Variants in POU2F1 observed in about 807,000 individuals in gnomAD.
The protein encoded by POU2F1 is POU domain, class 2, transcription factor 1.
A neutral mutation model predicts 84.9 loss-of-function variants in POU2F1; 16 were observed. The observed-to-expected ratio is 0.19, with a 90% CI of 0.13 to 0.29. The LOEUF (loss-of-function observed/expected upper bound fraction) is 0.29, where lower values mean the gene tolerates loss of function less well. POU2F1 is among the 10% of genes least tolerant of loss of function. The probability of loss-of-function intolerance (pLI) is 1.00; values close to 1 mark genes in which losing one functional copy is unlikely to be tolerated. For synonymous variants in POU2F1, 368 were observed against 368.3 expected (o/e 1.00, Z 0.01); for missense variants, 738 against 942.6 (o/e 0.78, Z 2.84).
intron 7 of POU2F1, chr1:167,380,626 G>C (rs1381472578): frequency 2.0e-5 from 3 of 152,174 alleles, no homozygotes; most frequent in African/African-American, 7.2e-5. Flanking sequence ...CATCAGAGAA[G>C]CTGAAAATCC....
intron 13 of POU2F1, among the ~76,000 whole-genome samples, chr1:167,411,295 C>T (rs1428030423): frequency 1.3e-5 from 2 of 152,168 alleles, no homozygotes; most frequent in Non-Finnish European, 2.9e-5. Context: ...ACCTCAGCCT[C>T]CCAAAGTGCT....
intron 1 of POU2F1, among the ~76,000 whole-genome samples, chr1:167,234,894 C>G (rs1348551400): frequency 6.6e-6 from 1 of 152,130 alleles, no homozygotes; most frequent in Non-Finnish European, 1.5e-5. Flanking sequence ...ATAATTTAAA[C>G]TATTTCAGTG....
chr1:167,240,651 A>G (rs988295504), intron 1 of POU2F1, among the ~76,000 whole-genome samples: 1 of 152,166 alleles, frequency 6.6e-6, no homozygotes, highest in Non-Finnish European at 1.5e-5. Flanking sequence ...AAAATCTACT[A>G]TTGTTTTAAT....
At chr1:167,332,335 A>T (rs548618828) in intron 1 of POU2F1, 135 bp from the exon 2 acceptor site, 2 of 570,154 alleles carry the variant, frequency 3.5e-6, no homozygotes, top group South Asian at 5.4e-5. Context: ...TTAGCCAGAC[A>T]TGTATACACT....
intron 1 of POU2F1, among the ~76,000 whole-genome samples, chr1:167,253,588 G>T (rs144721808): frequency 9.6e-4 from 146 of 152,052 alleles, no homozygotes; most frequent in African/African-American, 3.5e-3. Flanking sequence ...ACCACGCCTG[G>T]TTAATTTTTT....
chr1:167,368,209 C>T (rs1255951106), intron 3 of POU2F1, among the ~76,000 whole-genome samples: 1 of 152,120 alleles, frequency 6.6e-6, no homozygotes, highest in East Asian at 1.9e-4. Context: ...ATGATATTGG[C>T]ATTTTTGAAG....
At position 167,412,318 on chromosome 1, in the gene POU2F1, T is replaced by TCA. The variant is rs1650024537; in HGVS notation, c.1901+15_1901+16dup. 1 of 1,517,150 alleles carries TCA rather than the reference T, an allele frequency of 6.6e-7. No homozygotes were observed. The highest frequency in any genetic ancestry group is 1.4e-5 in the African/African-American group (1 of 72,440). 94.0% of individuals were successfully genotyped at this position (1,517,150 alleles called of 1,614,324 possible). A position where few individuals can be genotyped will look rare whatever the true frequency, so the allele number is the denominator to read the frequency against. On this transcript the variant is annotated intron_variant, in intron 14 of 15. Transcript: ENST00000367866. ...GTTTGCGGCTGGGTAAGGCGCTTTC[T>TCA]CATCTCATTCACGTCTGAGGTGGAG... is the stretch of plus-strand genomic sequence containing the variant.
chr1:167,401,241 C>T (rs1295320682), intron 12 of POU2F1, among the ~76,000 whole-genome samples: 1 of 152,092 alleles, frequency 6.6e-6, no homozygotes, highest in Non-Finnish European at 1.5e-5. Context: ...TGTCTCAACG[C>T]TATTGAAATT....
intron 9 of POU2F1, 44 bp from the exon 10 acceptor site, chr1:167,396,242 C>A (rs571459874): frequency 2.5e-6 from 4 of 1,606,188 alleles, no homozygotes; most frequent in Admixed American, 1.7e-5. Context: ...GGTGAGATAA[C>A]TCTGTCTTTC....
intron 3 of POU2F1, among the ~76,000 whole-genome samples, chr1:167,366,312 T>A (rs368784733): frequency 2.0e-5 from 3 of 152,196 alleles, no homozygotes; most frequent in African/African-American, 7.2e-5. Flanking sequence ...ATTTTGGTGG[T>A]CTATATGTGT....
At chr1:167,259,965 G>A (rs752724880) in intron 1 of POU2F1, among the ~76,000 whole-genome samples, 4 of 151,452 alleles carry the variant, frequency 2.6e-5, no homozygotes, top group African/African-American at 4.9e-5. Context: ...TGCAAGCTTC[G>A]CCTTCTGGGT....
chr1:167,404,355 C>G (rs1410925985), intron 13 of POU2F1, among the ~76,000 whole-genome samples: 1 of 152,062 alleles, frequency 6.6e-6, no homozygotes, highest in Non-Finnish European at 1.5e-5. Context: ...TGTGTAGCTT[C>G]TGTTACTCAA....
At chr1:167,282,626 G>T (rs1317754296) in intron 1 of POU2F1, among the ~76,000 whole-genome samples, 1 of 151,948 alleles carries the variant, frequency 6.6e-6, no homozygotes. Context: ...TGTCTTACTG[G>T]TGTTTCCTGA....
At chr1:167,332,611 T>A in intron 2 of POU2F1, 76 bp downstream of exon 2, 1 of 1,245,752 alleles carries the variant, frequency 8.0e-7, no homozygotes, top group Non-Finnish European at 1.2e-6. Flanking sequence ...TAACTAGGAC[T>A]TGTATTTGGC....
At position 167,405,867 on chromosome 1, in the gene POU2F1, T is replaced by G. The variant is rs563405622; in HGVS notation, c.1555+4311T>G. Among the ~76,000 whole-genome samples the G allele has an allele frequency of 2.2e-4, 34 of 152,302 alleles. No individual in the cohort carries two copies. In the South Asian group the frequency reaches 7.0e-3, roughly 32 times the overall value. On this transcript the variant is annotated intron_variant, in intron 13 of 15. Coordinates refer to ENST00000367866, the MANE Select transcript of POU2F1 (RefSeq NM_002697.4). ...AGCCATAAAACAAGTTTCAGTAAAT[T>G]AAAAAGGATTAAAATCATACAAAGT...
chr1:167,372,633 G>A (rs1478915533), intron 5 of POU2F1, among the ~76,000 whole-genome samples: 3 of 152,124 alleles, frequency 2.0e-5, no homozygotes, highest in Admixed American at 6.5e-5. Context: ...CTTATAGAAC[G>A]GTGCTTGGCA....
At chr1:167,277,859 T>G (rs1429303612) in intron 1 of POU2F1, among the ~76,000 whole-genome samples, 3 of 152,204 alleles carry the variant, frequency 2.0e-5, no homozygotes, top group Admixed American at 6.5e-5. Context: ...ATTCTTACTG[T>G]ACTAAGGCCT....
At chr1:167,325,050 TA>T (rs1429385011) in intron 1 of POU2F1, among the ~76,000 whole-genome samples, 1 of 152,236 alleles carries the variant, frequency 6.6e-6, no homozygotes, top group Non-Finnish European at 1.5e-5. Context: ...TGGGCATTAG[TA>T]AAATTATTTT....
At chr1:167,411,187 G>A (rs1258333592) in intron 13 of POU2F1, among the ~76,000 whole-genome samples, 2 of 151,818 alleles carry the variant, frequency 1.3e-5, no homozygotes, top group African/African-American at 2.4e-5. Context: ...CTACAGGCGC[G>A]TGCCACCACG....
Sources: allele counts gnomAD v4.1 joint callset (sites outside exome capture counted in the v4.1 genomes callset), GRCh38; gene constraint gnomAD v4.1.1; transcripts MANE v1.5; gene names NCBI Gene and HGNC (gene_info 2026-07-23, HGNC 2026-07-21).